The following LRCH1 variants were observed in gnomAD, a reference collection of about 807,000 sequenced individuals.
LRCH1 encodes leucine rich repeats and calponin homology domain containing 1.
LRCH1 carries 23 observed loss-of-function variants against 94.9 expected under a neutral mutation model. That is an observed-to-expected ratio of 0.24 (90% CI 0.17 to 0.34). The LOEUF (loss-of-function observed/expected upper bound fraction) is 0.34. LRCH1 is among the 10% of genes least tolerant of loss of function. LRCH1 has a pLI of 1.00. For missense variants in LRCH1, 790 were observed against 945.9 expected (o/e 0.84, Z 2.16); for synonymous variants, 364 against 354.9 (o/e 1.03, Z -0.29).
chr13:46,684,372 T>C (rs947141650), intron 4 of LRCH1, among the ~76,000 whole-genome samples: 1 of 152,208 alleles, frequency 6.6e-6, no homozygotes, highest in African/African-American at 2.4e-5. Context: ...AAACTGGAAC[T>C]AGAAAAGAAA....
chr13:46,690,103 G>A (rs926778879), intron 7 of LRCH1, among the ~76,000 whole-genome samples: 11 of 151,988 alleles, frequency 7.2e-5, no homozygotes, highest in African/African-American at 9.7e-5. Context: ...TCCTCAAGTC[G>A]TTGAATTTTA....
At chr13:46,589,138 C>T (rs2050469727) in intron 1 of LRCH1, among the ~76,000 whole-genome samples, 1 of 151,662 alleles carries the variant, frequency 6.6e-6, no homozygotes, top group South Asian at 2.1e-4. Flanking sequence ...CTGGGCTCAA[C>T]TAATCCTCCC....
intron 4 of LRCH1, 122 bp downstream of exon 4, chr13:46,681,968 C>T: frequency 1.2e-5 from 1 of 85,842 alleles, no homozygotes; most frequent in South Asian, 4.7e-4. Flanking sequence ...GTGTGTGTGC[C>T]TACTACTTAA....
chr13:46,575,733 T>A (rs17068387), intron 1 of LRCH1, among the ~76,000 whole-genome samples: 3,058 of 152,276 alleles, frequency 0.02, 112 homozygotes, highest in African/African-American at 0.068. Flanking sequence ...TGGAATTGAA[T>A]GATACAGAAA....
intron 16 of LRCH1, among the ~76,000 whole-genome samples, chr13:46,717,105 A>C (rs1872360963): frequency 6.6e-6 from 1 of 152,052 alleles, no homozygotes; most frequent in Admixed American, 6.6e-5. Flanking sequence ...GTAGCAGTAG[A>C]ATTACTATCT....
At chr13:46,601,680 A>G (rs568572844) in intron 1 of LRCH1, among the ~76,000 whole-genome samples, 2 of 152,278 alleles carry the variant, frequency 1.3e-5, no homozygotes, top group East Asian at 3.9e-4. Context: ...TTCCATAGCA[A>G]TGTTTAAGTG....
intron 7 of LRCH1, 38 bp downstream of exon 7, chr13:46,689,234 C>T: frequency 1.3e-6 from 2 of 1,494,920 alleles, no homozygotes; most frequent in South Asian, 1.2e-5. Flanking sequence ...TTCTGTACTT[C>T]TAGACATATC....
chr13:46,689,024 A>G (rs1259133886), intron 6 of LRCH1, 109 bp from the exon 7 acceptor site: 12 of 879,050 alleles, frequency 1.4e-5, no homozygotes, highest in Non-Finnish European at 2.0e-5. Context: ...TAATAATAAA[A>G]ATTTGCGTAG....
intron 1 of LRCH1, among the ~76,000 whole-genome samples, chr13:46,637,402 G>A (rs1176190079): frequency 6.6e-6 from 1 of 152,216 alleles, no homozygotes; most frequent in African/African-American, 2.4e-5. Flanking sequence ...GGAAATGGCA[G>A]ACTTTTACAG....
intron 1 of LRCH1, among the ~76,000 whole-genome samples, chr13:46,598,826 G>A (rs1036655887): frequency 6.6e-6 from 1 of 152,156 alleles, no homozygotes; most frequent in African/African-American, 2.4e-5. Flanking sequence ...AACCCCGAAG[G>A]TAAACACTGT....
intron 4 of LRCH1, among the ~76,000 whole-genome samples, chr13:46,684,555 A>G (rs1433217273): frequency 6.6e-6 from 1 of 152,202 alleles, no homozygotes; most frequent in Non-Finnish European, 1.5e-5. Context: ...AGCTAACTTT[A>G]ATTAACCATC....
intron 11 of LRCH1, among the ~76,000 whole-genome samples, chr13:46,703,217 C>T (rs756225428): frequency 1.3e-5 from 2 of 152,040 alleles, no homozygotes; most frequent in African/African-American, 2.4e-5. Flanking sequence ...CATGTGCACC[C>T]GTGTACATGT....
intron 1 of LRCH1, among the ~76,000 whole-genome samples, chr13:46,573,581 A>G (rs1018242000): frequency 5.9e-5 from 9 of 152,090 alleles, no homozygotes; most frequent in African/African-American, 2.2e-4. Context: ...TTGCAACCAC[A>G]TGGATAGAAC....
chr13:46,701,714 A>G (rs1471100099), intron 11 of LRCH1, among the ~76,000 whole-genome samples: 1 of 152,238 alleles, frequency 6.6e-6, no homozygotes, highest in Non-Finnish European at 1.5e-5. Flanking sequence ...GATAATAGGC[A>G]CTACATTCAG....
intron 7 of LRCH1, among the ~76,000 whole-genome samples, chr13:46,690,773 T>C (rs1566228720): frequency 6.6e-6 from 1 of 152,192 alleles, no homozygotes; most frequent in Admixed American, 6.5e-5. Flanking sequence ...AGAAATTTAT[T>C]TTTTAGAGTG....
intron 1 of LRCH1, among the ~76,000 whole-genome samples, chr13:46,617,018 T>A (rs953297106): frequency 2.6e-5 from 4 of 152,212 alleles, no homozygotes; most frequent in African/African-American, 9.7e-5. Flanking sequence ...TGGAATGTCA[T>A]CAGTTAAGGC....
chr13:46,662,956 T>C (rs776409020), intron 2 of LRCH1, among the ~76,000 whole-genome samples: 3 of 152,210 alleles, frequency 2.0e-5, no homozygotes. Flanking sequence ...TCTCAACACA[T>C]GGCTTTTATG....
rs749021332 is a variant in LRCH1, at chr13:46,628,660, G to GAAA, written c.308-21539_308-21538insAAA. Among the ~76,000 whole-genome samples the GAAA allele has an allele frequency of 1.8e-4, 21 of 118,034 alleles. 1 individual carries two copies. The highest frequency in any genetic ancestry group is 1.6e-4 in the African/African-American group (5 of 30,576). The allele number at this position is 118,034 out of a possible 152,430, so 77.4% of individuals were successfully genotyped here. Reference sequence around the variant, plus strand: ...CGACAGAGCGATTCTCTGTCTCAGGGAAGAAAAAAAAAAAAAAAACACAAG... The same window carrying GAAA: ...CGACAGAGCGATTCTCTGTCTCAGGGAAAAAGAAAAAAAAAAAAAAAACACAAG... On this transcript the variant is annotated intron_variant, in intron 1 of 19. Coordinates refer to ENST00000389797, the MANE Select transcript of LRCH1 (RefSeq NM_001164211.2).
exon 19 of LRCH1, chr13:46,750,701 T>G: frequency 2.3e-6 from 3 of 1,292,832 alleles, no homozygotes; most frequent in Non-Finnish European, 3.3e-6. Flanking sequence ...TCCAGGATCC[T>G]GAACTCTGCT....
Sources: gnomAD v4.1 joint callset for allele counts (sites outside exome capture counted in the v4.1 genomes callset) on GRCh38, gnomAD v4.1.1 for gene constraint, MANE v1.5 for transcripts, NCBI Gene and HGNC (gene_info 2026-07-23, HGNC 2026-07-21) for gene names.